The following MEGF10 variants were observed in gnomAD, a reference collection of about 807,000 sequenced individuals.
MEGF10 encodes multiple EGF like domains 10, also known as multiple epidermal growth factor-like domains protein 10.
Under a neutral mutation model 147.5 loss-of-function variants are expected in MEGF10, and 86 were observed. That is an observed-to-expected ratio of 0.58 (90% CI 0.49 to 0.70). The LOEUF is 0.70. MEGF10 is among the 30% of genes least tolerant of loss of function. MEGF10 has a pLI of 0.00. For missense variants in MEGF10, 1,329 were observed against 1,487.3 expected (o/e 0.89, Z 1.75); for synonymous variants, 478 against 525.5 (o/e 0.91, Z 1.24).
chr5:127,325,795 A>C (rs1760989912), intron 1 of MEGF10, among the ~76,000 whole-genome samples: 1 of 150,510 alleles, frequency 6.6e-6, no homozygotes. Flanking sequence ...CTTGTTTATA[A>C]AACCATTTTA....
intron 22 of MEGF10, among the ~76,000 whole-genome samples, chr5:127,450,907 C>T (rs1460532257): frequency 2.0e-5 from 3 of 152,016 alleles, no homozygotes; most frequent in Non-Finnish European, 4.4e-5. Context: ...TACAGATGTG[C>T]ACCACCATGC....
intron 9 of MEGF10, among the ~76,000 whole-genome samples, chr5:127,413,721 A>C (rs989976121): frequency 6.6e-6 from 1 of 152,202 alleles, no homozygotes; most frequent in Non-Finnish European, 1.5e-5. Flanking sequence ...CTCATTACCA[A>C]TTAAGCTGCC....
chr5:127,397,531 A>AAAATT (rs1283476870), intron 6 of MEGF10, among the ~76,000 whole-genome samples: 5 of 152,232 alleles, frequency 3.3e-5, no homozygotes, highest in African/African-American at 9.6e-5. Flanking sequence ...CCTTACTGAG[A>AAAATT]AAATTACATT....
At chr5:127,293,764 G>A (rs967360388) in intron 1 of MEGF10, among the ~76,000 whole-genome samples, 4 of 152,122 alleles carry the variant, frequency 2.6e-5, no homozygotes, top group African/African-American at 9.7e-5. Flanking sequence ...TAGATTCCAG[G>A]GCTTCACCCC....
At chr5:127,353,713 A>G (rs1762174977) in intron 4 of MEGF10, among the ~76,000 whole-genome samples, 1 of 151,632 alleles carries the variant, frequency 6.6e-6, no homozygotes, top group African/African-American at 2.4e-5. Flanking sequence ...TGTTCTGATG[A>G]TTATTTTCTT....
intron 8 of MEGF10, among the ~76,000 whole-genome samples, chr5:127,406,987 T>C (rs1000918537): frequency 7.9e-5 from 12 of 152,136 alleles, no homozygotes; most frequent in African/African-American, 2.9e-4. Context: ...AGTGATGAAC[T>C]CTGTTAAGGT....
chr5:127,285,538 A>C, the MEGF10 span, among the ~76,000 whole-genome samples: 1 of 152,114 alleles, frequency 6.6e-6, no homozygotes. Context: ...GTTCAGAATA[A>C]AGATAGTAAA....
At position 127,455,493 on chromosome 5, in the gene MEGF10, A is replaced by T; in HGVS notation, c.3118A>T (p.Ile1040Phe). Residue 1040 changes from isoleucine to phenylalanine, a missense_variant, in exon 24 of 25, where the codon ATC becomes TTC. This residue lies in a region of MEGF10 where 343 missense variants were observed against 377.9 expected (regional missense o/e 0.91). Coordinates refer to ENST00000503335, the MANE Select transcript of MEGF10 (RefSeq NM_001256545.2). ...YATIKDPPVLIPKSSECGYVE... is the reference protein window; with the variant it reads ...YATIKDPPVLFPKSSECGYVE... ...CACTATTAAAGACCCACCTGTACTTATCCCGAAAAGCTCAGAGTGTGGTTA... is the reference window on the plus strand; with the variant it reads ...CACTATTAAAGACCCACCTGTACTTTTCCCGAAAAGCTCAGAGTGTGGTTA... 6.2e-7 allele frequency: 1 copy of T among 1,614,122 alleles called. No homozygotes were observed. The highest frequency in any genetic ancestry group is 1.1e-5 in the South Asian group (1 of 91,082).
chr5:127,386,110 AAAAC>A (rs1233896450), intron 5 of MEGF10, among the ~76,000 whole-genome samples: 1 of 152,202 alleles, frequency 6.6e-6, no homozygotes, highest in Non-Finnish European at 1.5e-5. Flanking sequence ...CCTGTCTCTA[AAAAC>A]AAACAAACAA....
At chr5:127,274,772 T>A in the MEGF10 span, among the ~76,000 whole-genome samples, 3 of 152,288 alleles carry the variant, frequency 2.0e-5, no homozygotes, top group East Asian at 5.8e-4. Flanking sequence ...CTGAAATTTG[T>A]TTTGATGTGA....
the MEGF10 span, among the ~76,000 whole-genome samples, chr5:127,274,931 T>C: frequency 6.6e-6 from 1 of 152,208 alleles, no homozygotes; most frequent in African/African-American, 2.4e-5. Flanking sequence ...TCTGGTCATG[T>C]GTTTTGTGTA....
At chr5:127,252,856 A>G in the MEGF10 span, among the ~76,000 whole-genome samples, 6 of 151,966 alleles carry the variant, frequency 3.9e-5, no homozygotes, top group African/African-American at 1.4e-4. Flanking sequence ...AAATGCTCTT[A>G]ATATCTAATT....
intron 4 of MEGF10, among the ~76,000 whole-genome samples, chr5:127,350,165 T>C (rs766863458): frequency 1.5e-4 from 23 of 152,216 alleles, no homozygotes; most frequent in Middle Eastern, 3.4e-3. Flanking sequence ...TCATCTCACA[T>C]ATAGTCTGAA....
Position 127,398,721 on chromosome 5 carries a change from G to C in MEGF10, c.705G>C (p.Glu235Asp). Reference sequence around the variant, plus strand: ...CTGGTAAACATGGTCCACAGTGTGAGCAGAGATGCCCTTGTCAAAATGGAG... The same window carrying C: ...CTGGTAAACATGGTCCACAGTGTGACCAGAGATGCCCTTGTCAAAATGGAG... Reference protein sequence around the residue: ...CPPGKHGPQCEQRCPCQNGGV... With the variant: ...CPPGKHGPQCDQRCPCQNGGV... The change falls in exon 7 of 25, where the codon GAG becomes GAC. Residue 235 changes from glutamate to aspartate, a missense_variant. Transcript: ENST00000503335. 6.2e-7 allele frequency: 1 copy of C among 1,614,098 alleles called. No individual in the cohort carries two copies. Among genetic ancestry groups the C allele is most frequent in the South Asian group, 1.1e-5 (1 of 91,074 alleles).
At chr5:127,391,109 C>A in intron 5 of MEGF10, among the ~76,000 whole-genome samples, 1 of 39,530 alleles carries the variant, frequency 2.5e-5, no homozygotes, top group Non-Finnish European at 9.2e-5. Flanking sequence ...CGCGCACACA[C>A]ACACACACAC....
intron 20 of MEGF10, among the ~76,000 whole-genome samples, chr5:127,446,886 G>A (rs958959164): frequency 5.3e-5 from 8 of 152,184 alleles, no homozygotes; most frequent in Non-Finnish European, 1.0e-4. Context: ...AAGACCCAAA[G>A]ATAAAAAGCT....
intron 18 of MEGF10, 101 bp from the exon 19 acceptor site, chr5:127,442,897 C>T (rs893281236): frequency 1.6e-5 from 21 of 1,287,984 alleles, no homozygotes; most frequent in Non-Finnish European, 2.1e-5. Flanking sequence ...ATAGGAATCC[C>T]CTGAAAGGAC....
chr5:127,454,880 T>C (rs1766299636), intron 23 of MEGF10, among the ~76,000 whole-genome samples: 1 of 152,062 alleles, frequency 6.6e-6, no homozygotes, highest in Admixed American at 6.6e-5. Flanking sequence ...ATATGGCTTA[T>C]GGGGAGACGG....
intron 4 of MEGF10, among the ~76,000 whole-genome samples, chr5:127,349,682 CTTTTTTT>C (rs71573989): frequency 6.8e-6 from 1 of 146,864 alleles, no homozygotes; most frequent in East Asian, 2.0e-4. Flanking sequence ...ACAGGACTTC[CTTTTTTT>C]TTTTGTTTTT....
Sources: gnomAD v4.1 joint callset for allele counts (sites outside exome capture counted in the v4.1 genomes callset) on GRCh38, gnomAD v4.1.1 for gene constraint, gnomAD v4.1.1 regional missense constraint, MANE v1.5 for transcripts, NCBI Gene and HGNC (gene_info 2026-07-23, HGNC 2026-07-21) for gene names.